Variants in PRDM16 observed in about 807,000 individuals in gnomAD.
PRDM16 encodes the protein PR/SET domain 16, also known as histone-lysine N-methyltransferase PRDM16.
A neutral mutation model predicts 110.6 loss-of-function variants in PRDM16; 23 were observed. The ratio of observed to expected loss-of-function variants is 0.21; its 90% confidence interval spans 0.15 to 0.29. PRDM16 has a LOEUF of 0.29. PRDM16 is among the 10% of genes least tolerant of loss of function. The pLI is 1.00. For synonymous variants in PRDM16, 799 were observed against 781.8 expected, an observed-to-expected ratio of 1.02 and a Z score of -0.37; for missense variants, 1,615 against 1,794.3, an observed-to-expected ratio of 0.90 and a Z score of 1.81.
chr1:3,162,918 G>C (rs1643912591), intron 1 of PRDM16, among the ~76,000 whole-genome samples: 1 of 143,436 alleles, frequency 7.0e-6, no homozygotes. Flanking sequence ...GGTCTAGAGG[G>C]CTTTGGGAGA....
In PRDM16 at chr1:3,433,758, G is replaced by A; in HGVS notation, c.3778G>A (p.Val1260Ile). 1.2e-6 allele frequency: 2 copies of A among 1,613,974 alleles called. No homozygotes were observed. The highest frequency in any genetic ancestry group is 1.7e-6 in the Non-Finnish European group (2 of 1,179,932). The change falls in exon 17 of 17, where the codon GTC becomes ATC. Residue 1260 changes from valine to isoleucine, a missense_variant. Around this residue, in one of 5 missense-constraint regions of PRDM16, gnomAD observed 327 missense variants for 359.3 expected, o/e 0.91. Transcript: ENST00000270722. Reference sequence around the variant, plus strand: ...GGGTTCTCTGGACGCTTGGTTGAAGGTCACTGGAGCCACGTCGGAGTCTGG... The same window carrying A: ...GGGTTCTCTGGACGCTTGGTTGAAGATCACTGGAGCCACGTCGGAGTCTGG... The part of the protein sequence containing the change: ...SQGSLDAWLK[V>I]TGATSESGAF...
intron 1 of PRDM16, among the ~76,000 whole-genome samples, chr1:3,118,102 CAT>C (rs986411167): frequency 3.3e-5 from 5 of 149,480 alleles, no homozygotes; most frequent in African/African-American, 4.9e-5. Context: ...TGTGTACATG[CAT>C]GTGTGTGTGC....
chr1:3,072,581 T>G (rs750818174), intron 1 of PRDM16, among the ~76,000 whole-genome samples: 1 of 152,210 alleles, frequency 6.6e-6, no homozygotes, highest in Non-Finnish European at 1.5e-5. Context: ...TAAGCGGGGC[T>G]GGCGGCCCAG....
intron 1 of PRDM16, among the ~76,000 whole-genome samples, chr1:3,101,110 C>G (rs1203543797): frequency 6.6e-6 from 1 of 152,130 alleles, no homozygotes; most frequent in Non-Finnish European, 1.5e-5. Flanking sequence ...ACCAGGATGC[C>G]GTGGGAAGCC....
At chr1:3,228,201 A>G (rs1191290244) in intron 2 of PRDM16, among the ~76,000 whole-genome samples, 1 of 152,208 alleles carries the variant, frequency 6.6e-6, no homozygotes, top group Non-Finnish European at 1.5e-5. Context: ...GAAAAGCACA[A>G]AGCATTTTCC....
At chr1:3,410,036 ATTGT>A (rs1299191892) in intron 8 of PRDM16, among the ~76,000 whole-genome samples, 1 of 117,766 alleles carries the variant, frequency 8.5e-6, no homozygotes, top group East Asian at 2.8e-4. Context: ...CATGTGTGTG[ATTGT>A]GTGTGTACGA....
intron 3 of PRDM16, among the ~76,000 whole-genome samples, chr1:3,294,885 C>T (rs1274369968): frequency 6.6e-6 from 1 of 152,188 alleles, no homozygotes; most frequent in Non-Finnish European, 1.5e-5. Flanking sequence ...ACCCCACGTG[C>T]CTTAAGAAAC....
intron 3 of PRDM16, among the ~76,000 whole-genome samples, chr1:3,376,306 G>A (rs548869719): frequency 2.0e-5 from 3 of 152,302 alleles, no homozygotes; most frequent in South Asian, 2.1e-4. Context: ...TTTTTCTAGC[G>A]CGTTGCATTC....
At chr1:3,371,167 G>A (rs1342937443) in intron 3 of PRDM16, among the ~76,000 whole-genome samples, 3 of 104,270 alleles carry the variant, frequency 2.9e-5, no homozygotes, top group Non-Finnish European at 3.9e-5. Flanking sequence ...TCCACCCACC[G>A]ATCCACCATC....
chr1:3,142,197 C>A (rs1200672541), intron 1 of PRDM16, among the ~76,000 whole-genome samples: 1 of 152,266 alleles, frequency 6.6e-6, no homozygotes, highest in Non-Finnish European at 1.5e-5. Flanking sequence ...GGGCTGGGGG[C>A]AGCTGTCAGT....
At chr1:3,312,351 T>C (rs12409345) in intron 3 of PRDM16, among the ~76,000 whole-genome samples, 31,713 of 152,054 alleles carry the variant, frequency 0.21, 3,564 homozygotes, top group East Asian at 0.32. Context: ...ACTGGGCCGG[T>C]GACATGAGGA....
At chr1:3,094,659 A>G (rs1051722880) in intron 1 of PRDM16, among the ~76,000 whole-genome samples, 30 of 152,238 alleles carry the variant, frequency 2.0e-4, no homozygotes, top group African/African-American at 7.2e-4. Flanking sequence ...TGTTTTGCTT[A>G]TTGGTGTGAA....
At chr1:3,366,791 A>C (rs1409525010) in intron 3 of PRDM16, among the ~76,000 whole-genome samples, 3 of 152,160 alleles carry the variant, frequency 2.0e-5, no homozygotes, top group African/African-American at 7.2e-5. Flanking sequence ...TTTTTTTACT[A>C]GAATGTGTGG....
At chr1:3,097,867 G>T (rs1197577834) in intron 1 of PRDM16, among the ~76,000 whole-genome samples, 1 of 152,112 alleles carries the variant, frequency 6.6e-6, no homozygotes, top group South Asian at 2.1e-4. Context: ...GACGCCCCTC[G>T]AGCTGGAGGA....
intron 3 of PRDM16, among the ~76,000 whole-genome samples, chr1:3,357,731 C>A (rs1249707231): frequency 2.6e-5 from 4 of 152,230 alleles, no homozygotes; most frequent in Non-Finnish European, 5.9e-5. Flanking sequence ...ACTTCTCAAC[C>A]CAGGGCCACT....
chr1:3,200,634 G>A (rs568764295), intron 2 of PRDM16, among the ~76,000 whole-genome samples: 10 of 152,322 alleles, frequency 6.6e-5, no homozygotes, highest in East Asian at 1.9e-4. Flanking sequence ...GAGCCACCGC[G>A]CCCAGCCTAA....
intron 2 of PRDM16, among the ~76,000 whole-genome samples, chr1:3,234,831 A>G (rs1639504049): frequency 6.6e-6 from 1 of 152,258 alleles, no homozygotes; most frequent in African/African-American, 2.4e-5. Flanking sequence ...AGGGGCCGTG[A>G]TGGTGCCTGA....
intron 3 of PRDM16, among the ~76,000 whole-genome samples, chr1:3,253,144 A>G (rs1639972617): frequency 6.6e-6 from 1 of 151,770 alleles, no homozygotes; most frequent in African/African-American, 2.4e-5. Flanking sequence ...AGGTAGTATC[A>G]CCCCCACCAG....
intron 3 of PRDM16, among the ~76,000 whole-genome samples, chr1:3,294,052 C>T (rs142798662): frequency 1.4e-3 from 207 of 152,258 alleles, no homozygotes; most frequent in African/African-American, 4.8e-3. Flanking sequence ...CTTACTCCCC[C>T]GGGGGCCAGG....
Sources: allele counts gnomAD v4.1 joint callset (sites outside exome capture counted in the v4.1 genomes callset), GRCh38; gene constraint gnomAD v4.1.1; regional missense constraint gnomAD v4.1.1; transcripts MANE v1.5; gene names NCBI Gene and HGNC (gene_info 2026-07-23, HGNC 2026-07-21).